The following ATG4D variants were observed in gnomAD, a reference collection of about 807,000 sequenced individuals.
The protein encoded by ATG4D is cysteine protease ATG4D.
A neutral mutation model predicts 55.2 loss-of-function variants in ATG4D; 51 were observed. That is an observed-to-expected ratio of 0.92 (90% CI 0.74 to 1.17). The LOEUF (loss-of-function observed/expected upper bound fraction) is 1.17, where lower values mean the gene tolerates loss of function less well. Ranked by LOEUF, ATG4D falls within the 50% of genes most tolerant of loss-of-function variation. The pLI is 0.00. For synonymous variants in ATG4D, 268 were observed against 266.2 expected (o/e 1.01, Z -0.07); for missense variants, 635 against 649.6 (o/e 0.98, Z 0.25).
intron 6 of ATG4D, among the ~76,000 whole-genome samples, 183 bp from the exon 7 acceptor site, chr19:10,551,714 A>AT (rs1232253805): frequency 6.6e-6 from 1 of 151,686 alleles, no homozygotes; most frequent in Non-Finnish European, 1.5e-5. Flanking sequence ...AAAAAAAAAA[A>AT]AAAAATTCAT....
chr19:10,544,610 A>T, intron 1 of ATG4D, 173 bp from the exon 2 acceptor site: 1 of 1,284,972 alleles, frequency 7.8e-7, no homozygotes, highest in African/African-American at 1.5e-5. Context: ...TCCTGAATTG[A>T]TGGTGGACAC....
Position 10,544,911 on chromosome 19 carries a change from C to T in ATG4D, c.319+45C>T, listed in dbSNP as rs1226486164. Reference sequence around the variant, plus strand: ...CAGGGCTGGGGGAGGCCTCTCCACGCCCGCCGGAGTGTCCCTGGTGGCAGC... The same window carrying T: ...CAGGGCTGGGGGAGGCCTCTCCACGTCCGCCGGAGTGTCCCTGGTGGCAGC... On this transcript the variant is annotated intron_variant, in intron 2 of 9. Transcript: ENST00000309469. 5.0e-6 allele frequency: 8 copies of T among 1,587,152 alleles called. 1 individual carries two copies. Among genetic ancestry groups the T allele is most frequent in the South Asian group, 3.4e-5 (3 of 87,266 alleles).
rs60924749 is a variant in ATG4D at position 10,548,003 on chromosome 19, A to ATTTTTTTTTTT, written c.835+785_835+795dup. Among the ~76,000 whole-genome samples, 6 of 35,000 alleles carry ATTTTTTTTTTT rather than the reference A, an allele frequency of 1.7e-4. 1 individual carries two copies. Among genetic ancestry groups the ATTTTTTTTTTT allele is most frequent in the African/African-American group, 2.1e-4 (2 of 9,426 alleles). The allele number at this position is 35,000 out of a possible 152,430, so 23.0% of individuals were successfully genotyped here. On this transcript the variant is annotated intron_variant, in intron 5 of 9. Coordinates refer to ENST00000309469, the MANE Select transcript of ATG4D (RefSeq NM_032885.6). The stretch of plus-strand genomic sequence containing the variant: ...TGAGCCACTGTGCCCAGCCCCTGTA[A>ATTTTTTTTTTT]TTTTTTTTTTTTTTTTTTTTTTTTT...
chr19:10,549,101 G>A, intron 6 of ATG4D, 67 bp downstream of exon 6: 4 of 1,586,432 alleles, frequency 2.5e-6, no homozygotes, highest in Non-Finnish European at 3.4e-6. Context: ...GTTTGTGTTA[G>A]GGCTGCTGTT....
intron 5 of ATG4D, among the ~76,000 whole-genome samples, chr19:10,547,605 G>A (rs1326041210): frequency 6.8e-6 from 1 of 146,222 alleles, no homozygotes; most frequent in Non-Finnish European, 1.5e-5. Flanking sequence ...TCCAGCCTGG[G>A]CGACAGAGTA....
rs756656768 is a variant in ATG4D at position 10,544,327 on chromosome 19, T to C, written c.235+2T>C. The C allele has an allele frequency of 5.3e-6, 7 of 1,317,708 alleles. No homozygotes were observed. The Admixed American group carries it at 1.2e-4, about 24-fold the overall frequency. 81.6% of individuals were successfully genotyped at this position (1,317,708 alleles called of 1,614,324 possible). On this transcript the variant is annotated splice_donor_variant, in intron 1 of 9. Transcript: ENST00000309469. LOFTEE classifies it high-confidence loss of function. Reference sequence around the variant, plus strand: ...CAGCCTGGAACAACGTCAAGTACGGTGAGGAGGGGGCCCGGAGATCGTGGG... The same window carrying C: ...CAGCCTGGAACAACGTCAAGTACGGCGAGGAGGGGGCCCGGAGATCGTGGG...
At chr19:10,544,892 T>G (rs1599515246) in intron 2 of ATG4D, 26 bp downstream of exon 2, 1 of 1,598,592 alleles carries the variant, frequency 6.3e-7, no homozygotes, top group Non-Finnish European at 8.5e-7. Flanking sequence ...GGACCAGGGC[T>G]GGGGGAGGCC....
chr19:10,547,328 A>G (rs1365089808), intron 5 of ATG4D, 75 bp downstream of exon 5: 39 of 1,540,428 alleles, frequency 2.5e-5, no homozygotes, highest in Non-Finnish European at 3.4e-5. Context: ...CTTAGAGTGC[A>G]TCTTCCTCAG....
intron 3 of ATG4D, among the ~76,000 whole-genome samples, chr19:10,545,654 G>T (rs1916009498): frequency 6.7e-6 from 1 of 150,234 alleles, no homozygotes; most frequent in Non-Finnish European, 1.5e-5. Flanking sequence ...GAGGCTGGTG[G>T]ATCATGAGGT....
In ATG4D at chr19:10,552,950, G is replaced by C; in HGVS notation, c.1308G>C (p.Gln436His). The C allele has an allele frequency of 6.2e-7, 1 of 1,613,764 alleles. No individual in the cohort carries two copies. Among genetic ancestry groups the C allele is most frequent in the South Asian group, 1.1e-5 (1 of 91,086 alleles). ...PMFTLAEGHA[Q>H]DHSLDDLCSQ... is the part of the protein sequence containing the mutation. Reference sequence around the variant, plus strand: ...TCACCCTGGCCGAGGGCCATGCTCAGGACCACAGCCTGGACGACCTCTGCT... The same window carrying C: ...TCACCCTGGCCGAGGGCCATGCTCACGACCACAGCCTGGACGACCTCTGCT... Residue 436 changes from glutamine (Q) to histidine (H), a missense_variant, in exon 10 of 10, where the codon CAG becomes CAC. Physicochemically the swap from Gln to His is conservative, Grantham distance 24. Transcript: ENST00000309469.
At chr19:10,552,014 G>GCACCCC (rs1916266962) in intron 7 of ATG4D, 31 bp from the exon 8 acceptor site, 1 of 770,202 alleles carries the variant, frequency 1.3e-6, no homozygotes, top group East Asian at 5.7e-5. Flanking sequence ...ACCCCCCACC[G>GCACCCC]CACCCCCACT....
Position 10,547,149 on chromosome 19 carries a change from G to A in ATG4D, c.770+34G>A, listed in dbSNP as rs370157013. 21 of 1,611,266 alleles carry A rather than the reference G, an allele frequency of 1.3e-5. No individual in the cohort carries two copies. The African/African-American group carries it at 2.8e-4, about 22-fold the overall frequency. On this transcript the variant is annotated intron_variant, in intron 4 of 9. Transcript: ENST00000309469. ...TGCTGCAGGGATCACGGGAGTTGCT[G>A]GGTACCCGCAGGCACTCAGGCCTTC...
In ATG4D at chr19:10,545,114, G is replaced by GC; in HGVS notation, c.478dup (p.His160ProfsTer19). On this transcript the variant is annotated frameshift_variant, in exon 3 of 10. Coordinates refer to ENST00000309469, the MANE Select transcript of ATG4D (RefSeq NM_032885.6). LOFTEE classifies it high-confidence loss of function. ...TGATGCTGGCACAGGGCCTTCTGCT[G>GC]CATTTCCTGCCCAGAGGTGAGCCAT... 9 of 1,610,734 alleles carry GC rather than the reference G, an allele frequency of 5.6e-6. No homozygotes were observed. Among genetic ancestry groups the GC allele is most frequent in the Non-Finnish European group, 7.6e-6 (9 of 1,179,992 alleles).
At chr19:10,544,468 G>T in intron 1 of ATG4D, 143 bp downstream of exon 1, 1 of 898,848 alleles carries the variant, frequency 1.1e-6, no homozygotes, top group Non-Finnish European at 1.5e-6. Flanking sequence ...TGGACCTGTG[G>T]CAGGTCCAAT....
At position 10,543,988 on chromosome 19, in the gene ATG4D, G is replaced by C. The variant is rs1915944081; in HGVS notation, c.-103G>C. The C allele has an allele frequency of 8.0e-6, 6 of 751,274 alleles. No individual in the cohort carries two copies. The highest frequency in any genetic ancestry group is 1.1e-5 in the Non-Finnish European group (6 of 553,838). 46.5% of individuals were successfully genotyped at this position (751,274 alleles called of 1,614,324 possible). ...CCGGTACCCTGGGGACGGGGGCCGAGTAGCGCCTTCCCCGGGCCCCGTGAA... is the reference window on the plus strand; with the variant it reads ...CCGGTACCCTGGGGACGGGGGCCGACTAGCGCCTTCCCCGGGCCCCGTGAA... On this transcript the variant is annotated 5_prime_UTR_variant, in exon 1 of 10. Transcript: ENST00000309469.
chr19:10,543,930 C>A lies in ATG4D; in HGVS notation c.-161C>A. On this transcript the variant is annotated 5_prime_UTR_variant, in exon 1 of 10. The change creates a new upstream start codon in the 5' untranslated region. Transcript: ENST00000309469. ...TCCTGGCCCGCTAAGATGGCGATGG[C>A]TGCGGTAGCAGCGGCGGCGGCTGTT... The A allele has an allele frequency of 2.3e-6, 1 of 425,670 alleles. No individual in the cohort carries two copies. Among genetic ancestry groups the A allele is most frequent in the Non-Finnish European group, 3.9e-6 (1 of 256,996 alleles). 26.4% of individuals were successfully genotyped at this position (425,670 alleles called of 1,614,324 possible). A position where few individuals can be genotyped will look rare whatever the true frequency, so the allele number is the denominator to read the frequency against.
chr19:10,551,798 A>G, intron 6 of ATG4D, 99 bp from the exon 7 acceptor site: 2 of 1,092,142 alleles, frequency 1.8e-6, no homozygotes, highest in Non-Finnish European at 2.8e-6. Flanking sequence ...GGTCTTGATC[A>G]CTGCTGCCCT....
At chr19:10,550,827 T>A (rs1156798670) in intron 6 of ATG4D, among the ~76,000 whole-genome samples, 1 of 149,116 alleles carries the variant, frequency 6.7e-6, no homozygotes, top group Non-Finnish European at 1.5e-5. Context: ...TTCTCCTGCC[T>A]CAGCCTCCCG....
rs1171752942 is a variant in ATG4D, at chr19:10,544,255, C to T, written c.165C>T (p.Gly55=). 1 of 1,265,770 alleles carries T rather than the reference C, an allele frequency of 7.9e-7. No homozygotes were observed. The highest frequency in any genetic ancestry group is 1.0e-6 in the Non-Finnish European group (1 of 997,614). The allele number at this position is 1,265,770 out of a possible 1,614,324, so 78.4% of individuals were successfully genotyped here. A position where few individuals can be genotyped will look rare whatever the true frequency, so the allele number is the denominator to read the frequency against. ...CCGCTCTTGGCTCTCCCGGGGCTGGCCCGAGTGAGCCGGACGAAGTGGACA... is the reference window on the plus strand; with the variant it reads ...CCGCTCTTGGCTCTCCCGGGGCTGGTCCGAGTGAGCCGGACGAAGTGGACA... ...SGPALGSPGA[G]PSEPDEVDKF... The change falls in exon 1 of 10, where the codon GGC becomes GGT. Residue 55 remains glycine (G), a synonymous_variant. Coordinates refer to ENST00000309469, the MANE Select transcript of ATG4D (RefSeq NM_032885.6).
Sources: gnomAD v4.1 joint callset for allele counts (sites outside exome capture counted in the v4.1 genomes callset) on GRCh38, gnomAD v4.1.1 for gene constraint, MANE v1.5 for transcripts, NCBI Gene and HGNC (gene_info 2026-07-23, HGNC 2026-07-21) for gene names.